The following CASZ1 variants were observed in gnomAD, a reference collection of about 807,000 sequenced individuals.
CASZ1 encodes zinc finger protein castor homolog 1.
CASZ1 carries 28 observed loss-of-function variants against 135.2 expected under a neutral mutation model. The observed-to-expected ratio is 0.21, with a 90% CI of 0.15 to 0.28. The LOEUF (loss-of-function observed/expected upper bound fraction) is 0.28, where lower values mean the gene tolerates loss of function less well. Among genes scored for constraint, CASZ1 ranks in the 10% least tolerant of loss-of-function variants. The pLI, the probability that CASZ1 is intolerant of heterozygous loss-of-function variation, is 1.00. For missense variants in CASZ1, 2,161 were observed against 2,453.3 expected, an observed-to-expected ratio of 0.88 and a Z score of 2.52; for synonymous variants, 1,068 against 1,073.4, an observed-to-expected ratio of 0.99 and a Z score of 0.10.
intron 1 of CASZ1, among the ~76,000 whole-genome samples, chr1:10,783,260 T>TGC (rs1428322411): frequency 1.3e-5 from 2 of 151,246 alleles, no homozygotes; most frequent in African/African-American, 4.9e-5. Context: ...TGTGTGTGTG[T>TGC]GTGTGTGTGT....
In CASZ1 at chr1:10,646,801, C is replaced by T. The variant is rs1570403229; in HGVS notation, c.3498-475G>A. 6.6e-6 allele frequency among the ~76,000 whole-genome samples: 1 copy of T among 152,222 alleles called. No homozygotes were observed. Among genetic ancestry groups the T allele is most frequent in the Admixed American group, 6.5e-5 (1 of 15,290 alleles). ...GCTGCTGCCACAGGCCCTTAGCAAG[C>T]AGGAGCGCGTGCCTGGTGTCAGCTC... On this transcript the variant is annotated intron_variant, in intron 16 of 20. Transcript: ENST00000377022. The surrounding 1 kb of genome is among the most constrained non-coding windows in gnomAD (Gnocchi z 6.4).
rs534291718 is a variant in CASZ1, at chr1:10,662,151, C to A, written c.506-1615G>T. On this transcript the variant is annotated intron_variant, in intron 5 of 20. Coordinates refer to ENST00000377022, the MANE Select transcript of CASZ1 (RefSeq NM_001079843.3). ...CATGCATTCGCATACACTCACACAC[C>A]TACACACAGTCACAACACACACATG... Among the ~76,000 whole-genome samples, 5 of 150,644 alleles carry A rather than the reference C, an allele frequency of 3.3e-5. No homozygotes were observed. The South Asian group carries it at 1.1e-3, about 32-fold the overall frequency.
In CASZ1 at chr1:10,706,809, A is replaced by G. The variant is rs1639183644; in HGVS notation, c.-76-1265T>C. 6.6e-6 allele frequency among the ~76,000 whole-genome samples: 1 copy of G among 151,750 alleles called. No homozygotes were observed. The highest frequency in any genetic ancestry group is 1.5e-5 in the Non-Finnish European group (1 of 67,926). On this transcript the variant is annotated intron_variant, in intron 2 of 20. Coordinates refer to ENST00000377022, the MANE Select transcript of CASZ1 (RefSeq NM_001079843.3). This position sits in a 1 kb window ranked among gnomAD's most constrained non-coding sequence, Gnocchi z 4.3. ...GTTGGTGGTTAGGAAGTGCTGCCCC[A>G]CGGGCCTCTGATGCCCATCTCATCC...
intron 2 of CASZ1, among the ~76,000 whole-genome samples, chr1:10,723,322 A>G (rs1639538502): frequency 6.6e-6 from 1 of 152,174 alleles, no homozygotes; most frequent in African/African-American, 2.4e-5. Flanking sequence ...ACTTGTGCCC[A>G]TACCACAGTC....
At chr1:10,743,685 G>C (rs1639976665) in intron 2 of CASZ1, among the ~76,000 whole-genome samples, 1 of 138,500 alleles carries the variant, frequency 7.2e-6, no homozygotes, top group Non-Finnish European at 1.6e-5. Flanking sequence ...GGTGCGGGGG[G>C]AGGAGAAGAG....
At chr1:10,695,858 G>A (rs1448411859) in intron 3 of CASZ1, among the ~76,000 whole-genome samples, 2 of 152,204 alleles carry the variant, frequency 1.3e-5, no homozygotes, top group East Asian at 3.9e-4. Flanking sequence ...AGAGACGGTG[G>A]GGTGAGCAGG....
chr1:10,766,642 T>C (rs141954444), intron 1 of CASZ1, among the ~76,000 whole-genome samples: 13 of 152,272 alleles, frequency 8.5e-5, no homozygotes, highest in Admixed American at 4.6e-4. Context: ...TGTCAAGCAT[T>C]TGATAAATCA....
Position 10,701,492 on chromosome 1 carries a change from C to A in CASZ1, c.-24+4000G>T, listed in dbSNP as rs1401556927. ...GAAGGACTTAGGTCCAGCCCCCTCTCGCCAAAGCTCGCCCTTCAGAGTGAT... is the reference window on the plus strand; with the variant it reads ...GAAGGACTTAGGTCCAGCCCCCTCTAGCCAAAGCTCGCCCTTCAGAGTGAT... On this transcript the variant is annotated intron_variant, in intron 3 of 20. Transcript: ENST00000377022. This position sits in a 1 kb window ranked among gnomAD's most constrained non-coding sequence, Gnocchi z 6.3. 6.6e-6 allele frequency among the ~76,000 whole-genome samples: 1 copy of A among 152,164 alleles called. No homozygotes were observed. Among genetic ancestry groups the A allele is most frequent in the Non-Finnish European group, 1.5e-5 (1 of 68,030 alleles).
In CASZ1 at chr1:10,717,629, G is replaced by A. The variant is rs890176663; in HGVS notation, c.-76-12085C>T. Among the ~76,000 whole-genome samples, 5 of 152,078 alleles carry A rather than the reference G, an allele frequency of 3.3e-5. No homozygotes were observed. Among genetic ancestry groups the A allele is most frequent in the African/African-American group, 4.8e-5 (2 of 41,416 alleles). On this transcript the variant is annotated intron_variant, in intron 2 of 20. Transcript: ENST00000377022. This position sits in a 1 kb window ranked among gnomAD's most constrained non-coding sequence, Gnocchi z 4.6. ...CACTTTGGGATCAGACACCAAATAC[G>A]GCTCCTGAGGACATGGATGGGGGGC...
Position 10,694,024 on chromosome 1 carries a change from T to C in CASZ1, c.-23-112A>G. On this transcript the variant is annotated intron_variant, in intron 3 of 20. Transcript: ENST00000377022. The surrounding 1 kb of genome is among the most constrained non-coding windows in gnomAD (Gnocchi z 6.6). ...TCCCCCGCCCCGCAGGAGCGGCCCG[T>C]CCCGGGCGGGCGCCGAGGCCGCGGC... 9.9e-7 allele frequency: 1 copy of C among 1,010,676 alleles called. No individual in the cohort carries two copies. The highest frequency in any genetic ancestry group is 1.4e-6 in the Non-Finnish European group (1 of 706,872). The allele number at this position is 1,010,676 out of a possible 1,614,324, so 62.6% of individuals were successfully genotyped here.
intron 4 of CASZ1, 102 bp downstream of exon 4, chr1:10,693,761 TCCCGGCCCCCA>T (rs1638840238): frequency 4.4e-6 from 2 of 458,864 alleles, no homozygotes; most frequent in East Asian, 6.3e-5. Context: ...CGCCCGACCC[TCCCGGCCCCCA>T]CCCGGCCCCG....
intron 1 of CASZ1, among the ~76,000 whole-genome samples, chr1:10,773,745 G>A (rs1374955051): frequency 1.3e-5 from 2 of 152,108 alleles, no homozygotes; most frequent in Non-Finnish European, 2.9e-5. Context: ...ACAGCAGTCT[G>A]TGTGTGTGCT....
intron 1 of CASZ1, among the ~76,000 whole-genome samples, chr1:10,769,512 A>G (rs1640535987): frequency 6.6e-6 from 1 of 152,182 alleles, no homozygotes; most frequent in Non-Finnish European, 1.5e-5. Flanking sequence ...TAATAACAGA[A>G]ACAGAAATAG....
rs1414721023 is a variant in CASZ1, at chr1:10,663,427, C to T, written c.505+1656G>A. On this transcript the variant is annotated intron_variant, in intron 5 of 20. Transcript: ENST00000377022. The stretch of plus-strand genomic sequence containing the variant: ...CCAAAAGACAGCTGTTCCCCTGGGG[C>T]GGGGCTGGCGGGTCAGCCGCTGTCC... 2.0e-5 allele frequency among the ~76,000 whole-genome samples: 3 copies of T among 152,152 alleles called. No homozygotes were observed. In the East Asian group the frequency reaches 5.8e-4, roughly 29 times the overall value.
intron 9 of CASZ1, among the ~76,000 whole-genome samples, chr1:10,655,415 G>C (rs1642753272): frequency 1.3e-5 from 2 of 152,272 alleles, no homozygotes; most frequent in Admixed American, 1.3e-4. Context: ...TCCACACCAA[G>C]TATGGCCATG....
chr1:10,647,619 G>A lies in CASZ1; in HGVS notation c.3497+182C>T, dbSNP rs899399720. 12 of 1,451,752 alleles carry A rather than the reference G, an allele frequency of 8.3e-6. No individual in the cohort carries two copies. The highest frequency in any genetic ancestry group is 1.0e-5 in the Non-Finnish European group (11 of 1,105,336). The allele number at this position is 1,451,752 out of a possible 1,614,324, so 89.9% of individuals were successfully genotyped here. A position where few individuals can be genotyped will look rare whatever the true frequency, so the allele number is the denominator to read the frequency against. ...CGCGGGCTGGCCTGCTCTGGGACAG[G>A]CAGTGAGGTAGGAGCAGCAGCATCT... On this transcript the variant is annotated intron_variant, in intron 16 of 20. Coordinates refer to ENST00000377022, the MANE Select transcript of CASZ1 (RefSeq NM_001079843.3). The surrounding 1 kb of genome is among the most constrained non-coding windows in gnomAD (Gnocchi z 4.9).
chr1:10,787,429 G>A (rs1325329376), intron 1 of CASZ1, among the ~76,000 whole-genome samples: 2 of 152,190 alleles, frequency 1.3e-5, no homozygotes, highest in East Asian at 3.8e-4. Context: ...AGATTTCCCC[G>A]AAATTCCCGA....
intron 20 of CASZ1, chr1:10,642,330 G>C (rs1211604997): frequency 1.3e-5 from 2 of 149,264 alleles, no homozygotes; most frequent in Non-Finnish European, 2.9e-5. Flanking sequence ...AGCCTGGAGA[G>C]GGTGGAGAAA....
rs116055660 is a variant in CASZ1 at position 10,705,736 on chromosome 1, T to A, written c.-76-192A>T. Among the ~76,000 whole-genome samples, 684 of 152,350 alleles carry A rather than the reference T, an allele frequency of 4.5e-3. 1 individual carries two copies. The highest frequency in any genetic ancestry group is 7.2e-3 in the Non-Finnish European group (493 of 68,032). On this transcript the variant is annotated intron_variant, in intron 2 of 20. Coordinates refer to ENST00000377022, the MANE Select transcript of CASZ1 (RefSeq NM_001079843.3). ...GGCTCTGATTTGGCTCATTCAGGCATATGCCAGCCACAGTTTGCAAAAACG... is the reference window on the plus strand; with the variant it reads ...GGCTCTGATTTGGCTCATTCAGGCAAATGCCAGCCACAGTTTGCAAAAACG...
Sources: gnomAD v4.1 joint callset for allele counts (sites outside exome capture counted in the v4.1 genomes callset) on GRCh38, gnomAD v4.1.1 for gene constraint, Gnocchi (gnomAD v3.1) non-coding constraint, MANE v1.5 for transcripts, NCBI Gene and HGNC (gene_info 2026-07-23, HGNC 2026-07-21) for gene names.